Variants in PLEKHF1 observed in about 807,000 individuals in gnomAD.
The protein encoded by PLEKHF1 is pleckstrin homology domain-containing family F member 1.
A neutral mutation model predicts 4.1 loss-of-function variants in PLEKHF1; 1 was observed. The observed-to-expected ratio is 0.24, with a 90% CI of 0.09 to 1.15. PLEKHF1 has a LOEUF of 1.15. PLEKHF1 is among the 50% of genes most tolerant of loss of function. The pLI is 0.52. For synonymous variants in PLEKHF1, 182 were observed against 178.5 expected (o/e 1.02, Z -0.16); for missense variants, 429 against 400.6 (o/e 1.07, Z -0.60).
rs1402274860 is a variant in PLEKHF1, at chr19:29,675,321, G to C, written c.*642G>C. On this transcript the variant is annotated 3_prime_UTR_variant, in exon 2 of 2. Coordinates refer to ENST00000436066, the MANE Select transcript of PLEKHF1 (RefSeq NM_024310.5). ...CTCTGTCCTGTGTCACCTCTCTCCA[G>C]GTGTCCAGCTGTCTCATGCCTTTTT... is the stretch of plus-strand genomic sequence containing the variant. 6.0e-6 allele frequency: 1 copy of C among 167,316 alleles called. No individual in the cohort carries two copies. The highest frequency in any genetic ancestry group is 2.4e-5 in the African/African-American group (1 of 41,456). 10.4% of individuals were successfully genotyped at this position (167,316 alleles called of 1,614,324 possible).
chr19:29,668,147 C>T (rs1220096675), intron 1 of PLEKHF1, among the ~76,000 whole-genome samples: 1 of 152,186 alleles, frequency 6.6e-6, no homozygotes, highest in Non-Finnish European at 1.5e-5. Context: ...CCTGAGAGCC[C>T]CCACCCCTCT....
chr19:29,669,601 C>T (rs1482663795), intron 1 of PLEKHF1, among the ~76,000 whole-genome samples: 1 of 152,218 alleles, frequency 6.6e-6, no homozygotes, highest in African/African-American at 2.4e-5. Context: ...AGCCCAGGAC[C>T]CAATCCAGAC....
At chr19:29,672,092 C>T (rs1237163263) in intron 1 of PLEKHF1, among the ~76,000 whole-genome samples, 1 of 152,016 alleles carries the variant, frequency 6.6e-6, no homozygotes, top group African/African-American at 2.4e-5. Flanking sequence ...AAGAACTGAG[C>T]AGGGAAGCAG....
intron 1 of PLEKHF1, among the ~76,000 whole-genome samples, chr19:29,673,520 A>G (rs1235561368): frequency 1.3e-5 from 2 of 151,900 alleles, no homozygotes; most frequent in Non-Finnish European, 2.9e-5. Flanking sequence ...AAACGCTGGA[A>G]CCACAGGCAT....
At position 29,675,368 on chromosome 19, in the gene PLEKHF1, G is replaced by A. The variant is rs776924606; in HGVS notation, c.*689G>A. On this transcript the variant is annotated 3_prime_UTR_variant, in exon 2 of 2. Coordinates refer to ENST00000436066, the MANE Select transcript of PLEKHF1 (RefSeq NM_024310.5). ...TTTTGTCCTGTCCTCAGCTCTCCGT[G>A]TGGTCAGCGAAACCATTGTTTTCTG... The A allele has an allele frequency of 1.8e-5, 3 of 167,128 alleles. No individual in the cohort carries two copies. The highest frequency in any genetic ancestry group is 4.8e-5 in the African/African-American group (2 of 41,456). The allele number at this position is 167,128 out of a possible 1,614,324, so 10.4% of individuals were successfully genotyped here. A position where few individuals can be genotyped will look rare whatever the true frequency, so the allele number is the denominator to read the frequency against.
At position 29,674,258 on chromosome 19, in the gene PLEKHF1, C is replaced by G. The variant is rs1000516170; in HGVS notation, c.419C>G (p.Pro140Arg). The change falls in exon 2 of 2, where the codon CCG (proline) becomes CGG (arginine). Residue 140 changes from proline to arginine, a missense_variant. Transcript: ENST00000436066. ...VRRQLRATGRPPSTEHAAPWI... is the reference protein window; with the variant it reads ...VRRQLRATGRRPSTEHAAPWI... ...CGGCAACTGAGGGCCACGGGCCGCC[C>G]GCCCAGCACGGAGCACGCGGCACCC... is the stretch of plus-strand genomic sequence containing the variant. The G allele has an allele frequency of 2.5e-6, 4 of 1,606,600 alleles. No individual in the cohort carries two copies. Among genetic ancestry groups the G allele is most frequent in the Admixed American group, 1.7e-5 (1 of 59,760 alleles).
rs79866438 is a variant in PLEKHF1, at chr19:29,671,659, C to T, written c.-16-2165C>T. ...AGCAAGCTAAAAATAGCAGTTCTTACGTAAGGTAGTGTGGGCAGCCCTTCT... is the reference window on the plus strand; with the variant it reads ...AGCAAGCTAAAAATAGCAGTTCTTATGTAAGGTAGTGTGGGCAGCCCTTCT... On this transcript the variant is annotated intron_variant, in intron 1 of 1. Transcript: ENST00000436066. This position sits in a 1 kb window ranked among gnomAD's most constrained non-coding sequence, Gnocchi z 4.0. Among the ~76,000 whole-genome samples the T allele has an allele frequency of 0.013, 1,987 of 152,240 alleles. 69 individuals carry two copies. Among genetic ancestry groups the T allele is most frequent in the East Asian group, 0.098 (506 of 5,180 alleles).
chr19:29,667,656 C>T (rs1227514530), intron 1 of PLEKHF1, among the ~76,000 whole-genome samples: 2 of 151,744 alleles, frequency 1.3e-5, no homozygotes, highest in African/African-American at 4.9e-5. Flanking sequence ...CTGCCCAGCT[C>T]CTACTTTCCA....
intron 1 of PLEKHF1, among the ~76,000 whole-genome samples, chr19:29,670,250 T>C (rs1008930834): frequency 5.3e-5 from 8 of 152,152 alleles, no homozygotes; most frequent in African/African-American, 1.9e-4. Context: ...TTTTTAATCG[T>C]TTAAAACTGA....
At chr19:29,667,818 T>A (rs2145585750) in intron 1 of PLEKHF1, among the ~76,000 whole-genome samples, 1 of 152,350 alleles carries the variant, frequency 6.6e-6, no homozygotes. Flanking sequence ...TTTTACAATG[T>A]GGCATGGTGT....
intron 1 of PLEKHF1, among the ~76,000 whole-genome samples, chr19:29,669,742 T>A (rs537886958): frequency 1.4e-3 from 216 of 152,360 alleles, no homozygotes; most frequent in African/African-American, 5.0e-3. Context: ...AAAACTTTTT[T>A]AAAAATGAAA....
chr19:29,673,694 G>A (rs1599511162), intron 1 of PLEKHF1, 130 bp from the exon 2 acceptor site: 2 of 1,230,138 alleles, frequency 1.6e-6, no homozygotes, highest in South Asian at 3.0e-5. Context: ...TGCTGGGCAG[G>A]CCTGCGGGTT....
Position 29,674,365 on chromosome 19 carries a change from C to T in PLEKHF1, c.526C>T (p.Arg176Cys), listed in dbSNP as rs779538184. ...FSALTRRHHC[R>C]KCGFVVCAEC... is the part of the protein sequence containing the mutation. ...TGCCCTCACGAGGCGCCACCACTGCCGCAAGTGCGGCTTCGTGGTCTGCGC... is the reference window on the plus strand; with the variant it reads ...TGCCCTCACGAGGCGCCACCACTGCTGCAAGTGCGGCTTCGTGGTCTGCGC... The change falls in exon 2 of 2, where the codon CGC (arginine) becomes TGC (cysteine). Residue 176 changes from arginine to cysteine, a missense_variant. Physicochemically the swap from Arg to Cys is radical, Grantham distance 180. Coordinates refer to ENST00000436066, the MANE Select transcript of PLEKHF1 (RefSeq NM_024310.5). 7.8e-6 allele frequency: 12 copies of T among 1,541,264 alleles called. No homozygotes were observed. The highest frequency in any genetic ancestry group is 3.3e-4 in the Middle Eastern group (2 of 6,008).
intron 1 of PLEKHF1, among the ~76,000 whole-genome samples, chr19:29,667,800 A>ATT (rs1453980807): frequency 6.6e-6 from 1 of 152,222 alleles, no homozygotes; most frequent in Non-Finnish European, 1.5e-5. Flanking sequence ...CAGTGTGTGC[A>ATT]TTATACATTT....
At chr19:29,673,802 C>T (rs1156619178) in intron 1 of PLEKHF1, 22 bp from the exon 2 acceptor site, 2 of 1,568,016 alleles carry the variant, frequency 1.3e-6, no homozygotes, top group Non-Finnish European at 1.7e-6. Flanking sequence ...TGGACATACT[C>T]CTTGTCTGTC....
intron 1 of PLEKHF1, 154 bp downstream of exon 1, chr19:29,665,659 G>C: frequency 8.8e-7 from 1 of 1,134,834 alleles, no homozygotes; most frequent in Non-Finnish European, 1.1e-6. Flanking sequence ...GCTGACTCCA[G>C]CCCAAGAAGA....
Position 29,674,405 on chromosome 19 carries a change from A to C in PLEKHF1, c.566A>C (p.Gln189Pro). Residue 189 changes from glutamine to proline, a missense_variant, in exon 2 of 2, where the codon CAG becomes CCG. Physicochemically the swap from Gln to Pro is moderately conservative, Grantham distance 76. Transcript: ENST00000436066. ...GFVVCAECSR[Q>P]RFLLPRLSPK... ...GTGGTCTGCGCTGAGTGCTCGCGCCAGCGCTTCCTGCTCCCGCGCCTGTCC... is the reference window on the plus strand; with the variant it reads ...GTGGTCTGCGCTGAGTGCTCGCGCCCGCGCTTCCTGCTCCCGCGCCTGTCC... The C allele has an allele frequency of 6.5e-7, 1 of 1,530,602 alleles. No individual in the cohort carries two copies. The highest frequency in any genetic ancestry group is 8.8e-7 in the Non-Finnish European group (1 of 1,142,060). The allele number at this position is 1,530,602 out of a possible 1,614,324, so 94.8% of individuals were successfully genotyped here.
intron 1 of PLEKHF1, among the ~76,000 whole-genome samples, chr19:29,669,509 G>A (rs886217041): frequency 1.3e-5 from 2 of 152,206 alleles, no homozygotes; most frequent in African/African-American, 4.8e-5. Flanking sequence ...CAGGTGCCCA[G>A]GCCTGGATGC....
In PLEKHF1 at chr19:29,674,281, C is replaced by T; in HGVS notation, c.442C>T (p.Pro148Ser). ...GRPPSTEHAA[P>S]WIPDKATDIC... ...CCCGCCCAGCACGGAGCACGCGGCA[C>T]CCTGGATCCCCGACAAGGCCACGGA... Residue 148 changes from proline to serine, a missense_variant, in exon 2 of 2, where the codon CCC becomes TCC. Pro to Ser is a moderately conservative substitution (Grantham distance 74, BLOSUM62 -1). Coordinates refer to ENST00000436066, the MANE Select transcript of PLEKHF1 (RefSeq NM_024310.5). The T allele has an allele frequency of 6.3e-7, 1 of 1,598,072 alleles. No individual in the cohort carries two copies. The highest frequency in any genetic ancestry group is 8.5e-7 in the Non-Finnish European group (1 of 1,177,052).
Sources: allele counts gnomAD v4.1 joint callset (sites outside exome capture counted in the v4.1 genomes callset), GRCh38; gene constraint gnomAD v4.1.1; non-coding constraint Gnocchi (gnomAD v3.1); transcripts MANE v1.5; gene names NCBI Gene and HGNC (gene_info 2026-07-23, HGNC 2026-07-21).